Variants in MAP3K9 observed in about 807,000 individuals in gnomAD.
MAP3K9 encodes mixed lineage kinase 1 (tyr and ser/thr specificity).
In MAP3K9, 46 loss-of-function variants were observed where a neutral mutation model predicts 95.8. That is an observed-to-expected ratio of 0.48 (90% CI 0.38 to 0.61). The LOEUF (loss-of-function observed/expected upper bound fraction) is 0.61, where lower values mean the gene tolerates loss of function less well. Ranked by LOEUF, MAP3K9 falls within the 20% of genes least tolerant of loss-of-function variation. The pLI is 0.00. For synonymous variants in MAP3K9, 533 were observed against 593.8 expected (o/e 0.90, Z 1.49); for missense variants, 1,296 against 1,474.3 (o/e 0.88, Z 1.98).
rs45600331 is a variant in MAP3K9, at chr14:70,734,462, C to G, written c.1950G>C (p.Ser650=). 25,389 of 1,612,958 alleles carry G rather than the reference C, an allele frequency of 0.016. 250 individuals carry two copies. Among genetic ancestry groups the G allele is most frequent in the Middle Eastern group, 0.031 (187 of 6,050 alleles). ...KSLVDGYKQW[S]SSAPNLVKGP... Reference sequence around the variant, plus strand: ...CCTTCACCAGGTTGGGGGCACTGGACGACCACTGCTTATATCCATCTACCA... The same window carrying G: ...CCTTCACCAGGTTGGGGGCACTGGAGGACCACTGCTTATATCCATCTACCA... The change falls in exon 10 of 12, where the codon TCG becomes TCC. Residue 650 remains serine (S), a synonymous_variant. Transcript: ENST00000554752.
Position 70,738,395 on chromosome 14 carries a change from G to C in MAP3K9, c.1694C>G (p.Thr565Arg), listed in dbSNP as rs1241745614. 1 of 1,613,684 alleles carries C rather than the reference G, an allele frequency of 6.2e-7. No homozygotes were observed. Among genetic ancestry groups the C allele is most frequent in the South Asian group, 1.1e-5 (1 of 90,948 alleles). Residue 565 changes from threonine (T) to arginine (R), a missense_variant, in exon 8 of 12, where the codon ACA (threonine) becomes AGA (arginine). Physicochemically the swap from Thr to Arg is moderately conservative, Grantham distance 71 (BLOSUM62 -1). Transcript: ENST00000554752. ...IIPRLRAIQL[T>R]PGESSKTWGR... Reference sequence around the variant, plus strand: ...CCAGGTTTTGCTGCTTTCACCTGGTGTCACTGTGAATCACAAGGGTTGGAT... The same window carrying C: ...CCAGGTTTTGCTGCTTTCACCTGGTCTCACTGTGAATCACAAGGGTTGGAT...
chr14:70,781,459 C>T (rs2139826444), intron 2 of MAP3K9, among the ~76,000 whole-genome samples: 1 of 152,356 alleles, frequency 6.6e-6, no homozygotes, highest in Non-Finnish European at 1.5e-5. Context: ...CCCTAATGAG[C>T]TCTTTCCAAA....
At chr14:70,771,623 C>T (rs1395330769) in intron 2 of MAP3K9, among the ~76,000 whole-genome samples, 4 of 152,128 alleles carry the variant, frequency 2.6e-5, no homozygotes, top group Non-Finnish European at 5.9e-5. Flanking sequence ...CATTTCCCTA[C>T]CTCTGACATT....
intron 5 of MAP3K9, among the ~76,000 whole-genome samples, chr14:70,746,012 C>T (rs1488026846): frequency 6.6e-6 from 1 of 152,160 alleles, no homozygotes; most frequent in Non-Finnish European, 1.5e-5. Context: ...CCTCCAAATC[C>T]TTTGTTTCTC....
intron 2 of MAP3K9, among the ~76,000 whole-genome samples, chr14:70,762,920 G>A (rs2054394697): frequency 6.6e-6 from 1 of 152,138 alleles, no homozygotes; most frequent in Non-Finnish European, 1.5e-5. Context: ...ATATAACAGG[G>A]GTCGAATTTC....
At chr14:70,766,881 T>C (rs1216978588) in intron 2 of MAP3K9, among the ~76,000 whole-genome samples, 1 of 152,242 alleles carries the variant, frequency 6.6e-6, no homozygotes, top group Non-Finnish European at 1.5e-5. Context: ...TTCTTTTTCC[T>C]GAATTCTTCC....
Position 70,732,901 on chromosome 14 carries a change from A to G in MAP3K9, c.2468T>C (p.Leu823Pro), listed in dbSNP as rs780975980. 2 of 1,613,946 alleles carry G rather than the reference A, an allele frequency of 1.2e-6. No individual in the cohort carries two copies. Among genetic ancestry groups the G allele is most frequent in the Non-Finnish European group, 1.7e-6 (2 of 1,179,860 alleles). The change falls in exon 11 of 12, where the codon CTG becomes CCG. Residue 823 changes from leucine to proline, a missense_variant. By Grantham distance (98) the Leu-to-Pro change is moderately conservative. Coordinates refer to ENST00000554752, the MANE Select transcript of MAP3K9 (RefSeq NM_001284230.2). Reference protein sequence around the residue: ...RKLFKKEEPMLLLGDPSASLT... With the variant: ...RKLFKKEEPMPLLGDPSASLT... ...GGAGGCAGAGGGGTCTCCTAGCAAC[A>G]GCATGGGCTCCTCCTTCTTGAAAAG...
At chr14:70,794,867 C>T (rs568161033) in intron 2 of MAP3K9, among the ~76,000 whole-genome samples, 3 of 151,200 alleles carry the variant, frequency 2.0e-5, no homozygotes, top group South Asian at 2.1e-4. Flanking sequence ...TTAGTAGAGA[C>T]GGGGTTTCAC....
chr14:70,745,171 A>T (rs1420104400), intron 5 of MAP3K9, among the ~76,000 whole-genome samples: 6 of 152,202 alleles, frequency 3.9e-5, no homozygotes, highest in Non-Finnish European at 5.9e-5. Context: ...ATATTTCTTC[A>T]GTAAAGGAGC....
chr14:70,783,333 A>G (rs558150780), intron 2 of MAP3K9: 1 of 985,040 alleles, frequency 1.0e-6, no homozygotes, highest in Non-Finnish European at 1.2e-6. Context: ...TTGAGCATCC[A>G]AAGGTTTCAT....
intron 8 of MAP3K9, among the ~76,000 whole-genome samples, chr14:70,737,126 A>T (rs1434934285): frequency 1.3e-5 from 2 of 152,188 alleles, no homozygotes; most frequent in African/African-American, 4.8e-5. Context: ...ACATCAAGAA[A>T]CACTGTGCTA....
intron 2 of MAP3K9, among the ~76,000 whole-genome samples, chr14:70,772,942 A>C (rs576821932): frequency 6.6e-6 from 1 of 152,342 alleles, no homozygotes; most frequent in Non-Finnish European, 1.5e-5. Context: ...GGCCTGAATG[A>C]AATCAGTCAG....
intron 2 of MAP3K9, among the ~76,000 whole-genome samples, chr14:70,767,249 T>C (rs1320956971): frequency 2.6e-5 from 4 of 151,916 alleles, no homozygotes; most frequent in Non-Finnish European, 4.4e-5. Flanking sequence ...CTGGGCATGG[T>C]GGCACACACT....
intron 2 of MAP3K9, among the ~76,000 whole-genome samples, chr14:70,762,890 G>A (rs1321174022): frequency 6.6e-6 from 1 of 152,144 alleles, no homozygotes; most frequent in African/African-American, 2.4e-5. Context: ...TTAGGTCATT[G>A]ATCCACTTTT....
intron 2 of MAP3K9, among the ~76,000 whole-genome samples, chr14:70,793,230 G>A (rs1490838852): frequency 6.6e-6 from 1 of 152,204 alleles, no homozygotes; most frequent in East Asian, 1.9e-4. Context: ...AGTTAGCCAG[G>A]GCTGGTGATC....
chr14:70,773,750 G>A (rs2054559800), intron 2 of MAP3K9, among the ~76,000 whole-genome samples: 1 of 152,200 alleles, frequency 6.6e-6, no homozygotes, highest in South Asian at 2.1e-4. Flanking sequence ...ACATGATCAT[G>A]CCCCAAGAGT....
intron 2 of MAP3K9, among the ~76,000 whole-genome samples, chr14:70,768,263 A>C (rs1325765127): frequency 6.6e-6 from 1 of 152,158 alleles, no homozygotes; most frequent in Non-Finnish European, 1.5e-5. Context: ...CATGTACCCC[A>C]AAAATATATA....
intron 2 of MAP3K9, among the ~76,000 whole-genome samples, chr14:70,788,153 T>C (rs929251335): frequency 6.6e-6 from 1 of 152,240 alleles, no homozygotes; most frequent in Non-Finnish European, 1.5e-5. Flanking sequence ...GTATTTCAAT[T>C]TTGTCCTATT....
At chr14:70,739,545 TA>T (rs368174316) in intron 7 of MAP3K9, among the ~76,000 whole-genome samples, 3 of 150,326 alleles carry the variant, frequency 2.0e-5, no homozygotes, top group Admixed American at 2.0e-4. Flanking sequence ...TATGTGTGAG[TA>T]TTTTTTTTAA....
Sources: gnomAD v4.1 joint callset for allele counts (sites outside exome capture counted in the v4.1 genomes callset) on GRCh38, gnomAD v4.1.1 for gene constraint, MANE v1.5 for transcripts, NCBI Gene and HGNC (gene_info 2026-07-23, HGNC 2026-07-21) for gene names.